The following ITGAE variants were observed in gnomAD, a reference collection of about 807,000 sequenced individuals.
ITGAE encodes integrin alpha-E.
Under a neutral mutation model 136.5 loss-of-function variants are expected in ITGAE, and 99 were observed. That is an observed-to-expected ratio of 0.73 (90% confidence interval 0.62 to 0.86). The LOEUF is 0.86. Among genes scored for constraint, ITGAE ranks in the 40% least tolerant of loss-of-function variants. The probability of loss-of-function intolerance (pLI) is 0.00; values close to 1 mark genes in which losing one functional copy is unlikely to be tolerated. For missense variants in ITGAE, 1,447 were observed against 1,515.3 expected, an observed-to-expected ratio of 0.95 and a Z score of 0.75; for synonymous variants, 613 against 591.8, an observed-to-expected ratio of 1.04 and a Z score of -0.52.
rs763689439 is a variant in ITGAE, at chr17:3,756,221, GGC to G, written c.1172-326_1172-325del. Among the ~76,000 whole-genome samples the G allele has an allele frequency of 3.5e-4, 3 of 8,488 alleles. 1 individual carries two copies. Among genetic ancestry groups the G allele is most frequent in the Non-Finnish European group, 9.7e-4 (3 of 3,086 alleles). The allele number at this position is 8,488 out of a possible 152,430, so 5.6% of individuals were successfully genotyped here. A position where few individuals can be genotyped will look rare whatever the true frequency, so the allele number is the denominator to read the frequency against. Reference sequence around the variant, plus strand: ...CGCAAGGAGGCCTGGGGATATTGTTGGCCTTTTTTTTTTTTTTTTTTTTTTTT... The same window carrying G: ...CGCAAGGAGGCCTGGGGATATTGTTGCTTTTTTTTTTTTTTTTTTTTTTTT... On this transcript the variant is annotated intron_variant, in intron 10 of 30. Coordinates refer to ENST00000263087, the MANE Select transcript of ITGAE (RefSeq NM_002208.5).
At chr17:3,724,927 T>C in intron 26 of ITGAE, 1 of 1,613,676 alleles carries the variant, frequency 6.2e-7, no homozygotes, top group Non-Finnish European at 8.5e-7. Context: ...ATAGACAGGC[T>C]GGAGAGAACT....
intron 27 of ITGAE, 79 bp downstream of exon 27, chr17:3,723,609 G>A: frequency 2.8e-6 from 4 of 1,422,480 alleles, no homozygotes; most frequent in Non-Finnish European, 3.8e-6. Context: ...GGTAACCCAG[G>A]AAAAACAGTC....
chr17:3,737,224 C>T lies in ITGAE; in HGVS notation c.2523-2275G>A, dbSNP rs184290538. Among the ~76,000 whole-genome samples, 13 of 152,170 alleles carry T rather than the reference C, an allele frequency of 8.5e-5. No individual in the cohort carries two copies. The East Asian group carries it at 9.7e-4, about 11-fold the overall frequency. On this transcript the variant is annotated intron_variant, in intron 20 of 30. Coordinates refer to ENST00000263087, the MANE Select transcript of ITGAE (RefSeq NM_002208.5). ...AGGAGAAGCACTTGAAGCCGGGAGG[C>T]GGAGGTTGCAGTGAGCCAAGATCGC...
intron 2 of ITGAE, among the ~76,000 whole-genome samples, chr17:3,773,819 T>G (rs531593312): frequency 6.6e-6 from 1 of 152,228 alleles, no homozygotes; most frequent in Non-Finnish European, 1.5e-5. Flanking sequence ...AGCCCCCATT[T>G]TGAAGCTATC....
chr17:3,786,880 C>A (rs2143422037), intron 1 of ITGAE, among the ~76,000 whole-genome samples: 2 of 126,536 alleles, frequency 1.6e-5, no homozygotes, highest in African/African-American at 3.1e-5. Context: ...CAGAGCGAGA[C>A]TCCATCTCAA....
At chr17:3,723,804 C>G (rs1006165176) in intron 26 of ITGAE, 60 bp from the exon 27 acceptor site, 41 of 1,588,348 alleles carry the variant, frequency 2.6e-5, no homozygotes, top group Non-Finnish European at 3.4e-5. Flanking sequence ...TTTTCCGTCC[C>G]GTCCCGGCCC....
intron 17 of ITGAE, among the ~76,000 whole-genome samples, chr17:3,746,792 C>T (rs1460635717): frequency 7.2e-5 from 11 of 152,076 alleles, no homozygotes; most frequent in African/African-American, 1.9e-4. Context: ...GGGGTTTCAC[C>T]GTGTTAGCCA....
At chr17:3,723,527 T>A in intron 27 of ITGAE, 144 bp from the exon 28 acceptor site, 1 of 994,340 alleles carries the variant, frequency 1.0e-6, no homozygotes, top group Non-Finnish European at 1.5e-6. Flanking sequence ...CAAGCGAAGC[T>A]CCAGCGGGAG....
At chr17:3,794,140 G>A (rs1007960299) in intron 1 of ITGAE, among the ~76,000 whole-genome samples, 2 of 151,908 alleles carry the variant, frequency 1.3e-5, no homozygotes, top group Non-Finnish European at 2.9e-5. Context: ...CACCACACCG[G>A]ACTAATTTTT....
Position 3,723,351 on chromosome 17 carries a change from G to T in ITGAE, c.3174C>A (p.Val1058=). ...HVEEWHSVSC[V]IASDKENVTV... The stretch of plus-strand genomic sequence containing the variant: ...TGACATTTTCTTTATCTGAAGCGAT[G>T]ACACAGCTCACTGAATGCCATTCTT... The change falls in exon 28 of 31, where the codon GTC becomes GTA. Residue 1058 remains valine, a synonymous_variant. Coordinates refer to ENST00000263087, the MANE Select transcript of ITGAE (RefSeq NM_002208.5). 6.2e-7 allele frequency: 1 copy of T among 1,613,842 alleles called. No individual in the cohort carries two copies. Among genetic ancestry groups the T allele is most frequent in the South Asian group, 1.1e-5 (1 of 91,056 alleles).
chr17:3,752,233 C>G (rs562926821), intron 14 of ITGAE, among the ~76,000 whole-genome samples: 28 of 152,348 alleles, frequency 1.8e-4, no homozygotes, highest in Middle Eastern at 3.4e-3. Context: ...GCCCGCCCCC[C>G]TCTAGTTCCA....
intron 7 of ITGAE, among the ~76,000 whole-genome samples, chr17:3,759,912 G>A (rs1166515326): frequency 1.3e-5 from 2 of 152,130 alleles, no homozygotes; most frequent in African/African-American, 2.4e-5. Context: ...TTGCTGCCAC[G>A]AAAAAGTTGG....
In ITGAE at chr17:3,779,186, G is replaced by A. The variant is rs57873271; in HGVS notation, c.35-1526C>T. On this transcript the variant is annotated intron_variant, in intron 1 of 30. Coordinates refer to ENST00000263087, the MANE Select transcript of ITGAE (RefSeq NM_002208.5). ...AAGGTGTGCATGTGTCAGAACACACGCAATGAATGGTCCACTTAGAATTTG... is the reference window on the plus strand; with the variant it reads ...AAGGTGTGCATGTGTCAGAACACACACAATGAATGGTCCACTTAGAATTTG... Among the ~76,000 whole-genome samples the A allele has an allele frequency of 4.7e-4, 71 of 152,228 alleles. 1 individual carries two copies. In the East Asian group the frequency reaches 0.012, roughly 26 times the overall value.
In ITGAE at chr17:3,750,459, G is replaced by A. The variant is rs750666734; in HGVS notation, c.1917C>T (p.Ala639=). 3.6e-5 allele frequency: 58 copies of A among 1,614,024 alleles called. No individual in the cohort carries two copies. Among genetic ancestry groups the A allele is most frequent in the Non-Finnish European group, 4.0e-5 (47 of 1,180,030 alleles). The change falls in exon 16 of 31, where the codon GCC becomes GCT. Residue 639 remains alanine, a synonymous_variant. Transcript: ENST00000263087. ...PSQRIRASTV[A]PGLQYFGMSM... is the part of the protein sequence containing the mutation. ...ACATGCCGAAGTACTGGAGTCCTGG[G>A]GCCACCGTGGAGGCTCTGATCCGCT...
chr17:3,722,873 G>A (rs993673535), intron 28 of ITGAE, among the ~76,000 whole-genome samples: 1 of 152,218 alleles, frequency 6.6e-6, no homozygotes, highest in African/African-American at 2.4e-5. Flanking sequence ...TGTTACGTGG[G>A]AATTATTTGT....
chr17:3,781,456 T>C (rs892800941), intron 1 of ITGAE, among the ~76,000 whole-genome samples: 1 of 152,190 alleles, frequency 6.6e-6, no homozygotes, highest in Non-Finnish European at 1.5e-5. Flanking sequence ...TTCAAGGGAT[T>C]CTCCCATCTG....
At position 3,798,434 on chromosome 17, in the gene ITGAE, C is replaced by G. The variant is rs2053174224; in HGVS notation, c.34+2677G>C. Among the ~76,000 whole-genome samples, 1 of 152,140 alleles carries G rather than the reference C, an allele frequency of 6.6e-6. No homozygotes were observed. Among genetic ancestry groups the G allele is most frequent in the Admixed American group, 6.5e-5 (1 of 15,286 alleles). ...CACTTCGCCTCCATCTTCCTACAAACCAGACTCTTCACACCCCAGGGCTTG... is the reference window on the plus strand; with the variant it reads ...CACTTCGCCTCCATCTTCCTACAAAGCAGACTCTTCACACCCCAGGGCTTG... On this transcript the variant is annotated intron_variant, in intron 1 of 30. Transcript: ENST00000263087. The surrounding 1 kb of genome is among the most constrained non-coding windows in gnomAD (Gnocchi z 4.3).
At chr17:3,763,103 G>A (rs992009382) in intron 3 of ITGAE, among the ~76,000 whole-genome samples, 6 of 152,152 alleles carry the variant, frequency 3.9e-5, no homozygotes, top group Admixed American at 6.6e-5. Context: ...ATATTGGCCA[G>A]GCTGGTCTCG....
rs947722622 is a variant in ITGAE at position 3,757,043 on chromosome 17, T to C, written c.1112A>G (p.Asn371Ser). ...PDETHAFKVT[N>S]YMALDGLLSK... Reference sequence around the variant, plus strand: ...CAGCAGCCCATCCAGCGCCATGTAGTTGGTCACCTTGAAAGCATGGGTCTC... The same window carrying C: ...CAGCAGCCCATCCAGCGCCATGTAGCTGGTCACCTTGAAAGCATGGGTCTC... The change falls in exon 10 of 31, where the codon AAC becomes AGC. Residue 371 changes from asparagine to serine, a missense_variant. Asn to Ser is a conservative substitution (Grantham distance 46, BLOSUM62 1). Coordinates refer to ENST00000263087, the MANE Select transcript of ITGAE (RefSeq NM_002208.5). 1 of 1,614,216 alleles carries C rather than the reference T, an allele frequency of 6.2e-7. No individual in the cohort carries two copies. Among genetic ancestry groups the C allele is most frequent in the Non-Finnish European group, 8.5e-7 (1 of 1,180,036 alleles).
Sources: gnomAD v4.1 joint callset for allele counts (sites outside exome capture counted in the v4.1 genomes callset) on GRCh38, gnomAD v4.1.1 for gene constraint, Gnocchi (gnomAD v3.1) non-coding constraint, MANE v1.5 for transcripts, NCBI Gene and HGNC (gene_info 2026-07-23, HGNC 2026-07-21) for gene names.